Variants in FGF13 observed in about 807,000 individuals in gnomAD.
FGF13 encodes the protein fibroblast growth factor 13.
A neutral mutation model predicts 19.5 loss-of-function variants in FGF13; 2 were observed. The ratio of observed to expected loss-of-function variants is 0.10; its 90% CI spans 0.04 to 0.32. The LOEUF is 0.32. Among genes scored for constraint, FGF13 ranks in the 10% least tolerant of loss-of-function variants. The pLI, the probability that FGF13 is intolerant of heterozygous loss-of-function variation, is 1.00. For missense variants in FGF13, 113 were observed against 192.7 expected (o/e 0.59, Z 2.45); for synonymous variants, 72 against 76.9 (o/e 0.94, Z 0.33).
chrX:139,073,739 C>A (rs769522381), intron 1 of FGF13, among the ~76,000 whole-genome samples: 2 of 111,926 alleles, frequency 1.8e-5, no homozygotes, highest in Non-Finnish European at 3.8e-5. Flanking sequence ...ACATAGGCAT[C>A]TAATTTCAGT....
chrX:139,164,030 G>T (rs926386498), intron 1 of FGF13, among the ~76,000 whole-genome samples: 1 of 110,635 alleles, frequency 9.0e-6, no homozygotes, highest in Non-Finnish European at 1.9e-5. Context: ...ACGTTAAGGT[G>T]GGGGCTGACA....
intron 1 of FGF13, among the ~76,000 whole-genome samples, chrX:138,973,491 G>T (rs750042261): frequency 2.7e-5 from 3 of 112,249 alleles, no homozygotes; most frequent in Non-Finnish European, 3.8e-5. Context: ...AGAATGTTCT[G>T]TAAATGTCTG....
intron 1 of FGF13, among the ~76,000 whole-genome samples, chrX:138,990,986 C>T (rs964148594): frequency 8.9e-6 from 1 of 111,947 alleles, no homozygotes; most frequent in African/African-American, 3.2e-5. Context: ...TTACCTCCCT[C>T]GGTATGCATC....
intron 1 of FGF13, among the ~76,000 whole-genome samples, chrX:139,022,637 C>T (rs2092182565): frequency 9.0e-6 from 1 of 110,894 alleles, no homozygotes; most frequent in Non-Finnish European, 1.9e-5. Context: ...CAACCACATT[C>T]GACCACCAGA....
At chrX:139,019,803 A>G (rs1281830269) in intron 1 of FGF13, among the ~76,000 whole-genome samples, 1 of 110,963 alleles carries the variant, frequency 9.0e-6, no homozygotes, top group East Asian at 2.8e-4. Context: ...CAGTCTAGAA[A>G]AAAAAAGGGC....
intron 1 of FGF13, among the ~76,000 whole-genome samples, chrX:138,736,506 T>C (rs1252562868): frequency 9.0e-6 from 1 of 110,982 alleles, no homozygotes; most frequent in Admixed American, 9.6e-5. Flanking sequence ...CAGTTGGAAC[T>C]GCATATCATG....
intron 1 of FGF13, among the ~76,000 whole-genome samples, chrX:139,181,717 A>AGAT (rs1414284523): frequency 1.8e-5 from 2 of 112,383 alleles, no homozygotes; most frequent in African/African-American, 6.5e-5. Flanking sequence ...ACCCATAAAC[A>AGAT]GATAATATAA....
chrX:138,847,679 A>G (rs931386220), intron 3 of FGF13, among the ~76,000 whole-genome samples: 3 of 112,289 alleles, frequency 2.7e-5, no homozygotes, highest in Non-Finnish European at 3.8e-5. Flanking sequence ...AGTATAAGAA[A>G]TGAATATCAG....
At chrX:139,087,067 C>T (rs747134809) in intron 1 of FGF13, among the ~76,000 whole-genome samples, 1 of 112,475 alleles carries the variant, frequency 8.9e-6, no homozygotes, top group East Asian at 2.8e-4. Flanking sequence ...GAGGCCAAGG[C>T]GGGTGGATCA....
At chrX:138,956,132 A>G (rs1010116412) in intron 1 of FGF13, among the ~76,000 whole-genome samples, 7 of 112,016 alleles carry the variant, frequency 6.2e-5, no homozygotes, top group Non-Finnish European at 1.3e-4. Flanking sequence ...TACCAGGGCG[A>G]GCACCAGATA....
chrX:138,843,419 T>A (rs1437907666), intron 3 of FGF13, among the ~76,000 whole-genome samples: 1 of 112,258 alleles, frequency 8.9e-6, no homozygotes, highest in African/African-American at 3.2e-5. Context: ...CAGATTTAAT[T>A]TAAACAAATT....
At chrX:138,949,608 G>A (rs1233443832) in intron 1 of FGF13, among the ~76,000 whole-genome samples, 1 of 111,829 alleles carries the variant, frequency 8.9e-6, no homozygotes, top group Non-Finnish European at 1.9e-5. Flanking sequence ...GGTGTTCCAA[G>A]CGGATGTGAA....
intron 1 of FGF13, among the ~76,000 whole-genome samples, chrX:138,893,717 T>TA (rs1276542099): frequency 8.9e-6 from 1 of 111,808 alleles, no homozygotes; most frequent in Non-Finnish European, 1.9e-5. Context: ...TAACGTGAAA[T>TA]AAGTCTGAAT....
At chrX:139,062,327 C>T (rs2092339100) in intron 1 of FGF13, among the ~76,000 whole-genome samples, 1 of 111,913 alleles carries the variant, frequency 8.9e-6, no homozygotes, top group African/African-American at 3.2e-5. Context: ...GTCCCTTCCT[C>T]ATTGTGTGTT....
In FGF13 at chrX:139,184,671, T is replaced by C. The variant is rs2084268377; in HGVS notation, c.-113+18745A>G. ...ACACATACACACACACACACGAATG[T>C]AAGCCCAGGAGGGCAAAGATCTTTG... On this transcript the variant is annotated intron_variant, in intron 1 of 2. Coordinates refer to the FGF13 transcript ENST00000421460. Among the ~76,000 whole-genome samples the C allele has an allele frequency of 3.6e-5, 4 of 111,864 alleles. No homozygotes were observed. In the South Asian group the frequency reaches 1.5e-3, roughly 42 times the overall value.
chrX:139,145,262 C>T (rs1034752838), intron 1 of FGF13, among the ~76,000 whole-genome samples: 4 of 111,133 alleles, frequency 3.6e-5, no homozygotes, highest in African/African-American at 1.3e-4. Context: ...ATCAAATCAG[C>T]ATCAAATCAA....
intron 3 of FGF13, among the ~76,000 whole-genome samples, chrX:138,697,367 T>C (rs1037046495): frequency 7.2e-5 from 8 of 110,387 alleles, no homozygotes; most frequent in Non-Finnish European, 1.5e-4. Flanking sequence ...TTAGTTCAGA[T>C]TGCAATCTGA....
chrX:138,772,304 T>A (rs1259679161), intron 3 of FGF13, among the ~76,000 whole-genome samples: 1 of 108,417 alleles, frequency 9.2e-6, no homozygotes, highest in Non-Finnish European at 1.9e-5. Flanking sequence ...TTGTTATGAT[T>A]TCTACATCTG....
chrX:138,754,414 C>T (rs2090419011), intron 3 of FGF13, among the ~76,000 whole-genome samples: 1 of 111,378 alleles, frequency 9.0e-6, no homozygotes, highest in Admixed American at 9.6e-5. Context: ...CTCACCTTCT[C>T]TTGGGCATAC....
Sources: gnomAD v4.1 joint callset for allele counts (sites outside exome capture counted in the v4.1 genomes callset) on GRCh38, gnomAD v4.1.1 for gene constraint, MANE v1.5 for transcripts, NCBI Gene and HGNC (gene_info 2026-07-23, HGNC 2026-07-21) for gene names.